Variants in IL32 observed in about 807,000 individuals in gnomAD.
IL32 encodes interleukin-32.
A neutral mutation model predicts 16.6 loss-of-function variants in IL32; 30 were observed. That is an observed-to-expected ratio of 1.81 (90% CI 1.35 to 2.45). The LOEUF is 2.45. IL32 is among the 30% of genes most tolerant of loss of function. IL32 has a pLI of 0.00. For synonymous variants in IL32, 70 were observed against 86.1 expected, an observed-to-expected ratio of 0.81 and a Z score of 1.03; for missense variants, 234 against 229.8, an observed-to-expected ratio of 1.02 and a Z score of -0.12.
Position 3,067,387 on chromosome 16 carries a change from A to T in IL32, c.26A>T (p.Asp9Val). The change falls in exon 3 of 7, where the codon GAT becomes GTT. Residue 9 changes from aspartate to valine, a missense_variant. Physicochemically the swap from Asp to Val is radical, Grantham distance 152. Transcript: ENST00000525643. ...CCGTTATTTCCGCAGGTCCTCTCTGATGACATGAAGAAGCTGAAGGCCCGA... is the reference window on the plus strand; with the variant it reads ...CCGTTATTTCCGCAGGTCCTCTCTGTTGACATGAAGAAGCTGAAGGCCCGA... MCFPKVLS[D>V]DMKKLKARMH... The T allele has an allele frequency of 6.4e-7, 1 of 1,553,020 alleles. No homozygotes were observed. The highest frequency in any genetic ancestry group is 1.2e-5 in the South Asian group (1 of 81,784).
rs60859102 is a variant in IL32 at position 3,067,271 on chromosome 16, CTGTGTGTGTGTGTG to C, written c.16-80_16-67del. 2.1e-3 allele frequency: 1,272 copies of C among 603,666 alleles called. 7 individuals are homozygous for C. The East Asian group carries it at 0.021, about 10-fold the overall frequency. The allele number at this position is 603,666 out of a possible 1,614,324, so 37.4% of individuals were successfully genotyped here. ...TATCCTGTACCTCTGCCATGTGTCT[CTGTGTGTGTGTGTG>C]TGTGTGTGTGTGTGTGTGTGTGTGT... On this transcript the variant is annotated intron_variant, in intron 2 of 6. Transcript: ENST00000525643.
intron 2 of IL32, among the ~76,000 whole-genome samples, chr16:3,066,243 C>A (rs186740434): frequency 1.3e-5 from 2 of 152,128 alleles, no homozygotes; most frequent in African/African-American, 4.8e-5. Context: ...ACCACTGCCC[C>A]ACCGCAAATG....
chr16:3,068,796 C>G, intron 6 of IL32, 194 bp from the exon 7 acceptor site: 1 of 864,226 alleles, frequency 1.2e-6, no homozygotes, highest in Non-Finnish European at 1.8e-6. Flanking sequence ...CATCCTGTCA[C>G]TGCCATGGAG....
intron 6 of IL32, chr16:3,068,646 T>C (rs1362478949): frequency 3.1e-5 from 13 of 422,586 alleles, no homozygotes; most frequent in Middle Eastern, 1.4e-3. Flanking sequence ...GTGGGCAGGG[T>C]GTGCCCAGCC....
intron 2 of IL32, 61 bp downstream of exon 2, chr16:3,065,887 G>C: frequency 6.3e-7 from 1 of 1,598,668 alleles, no homozygotes; most frequent in South Asian, 1.1e-5. Context: ...TAAGGGTGCG[G>C]GTGCCCTCAG....
intron 6 of IL32, 157 bp downstream of exon 6, chr16:3,068,396 C>G (rs777324061): frequency 4.4e-6 from 3 of 685,482 alleles, no homozygotes; most frequent in Non-Finnish European, 7.5e-6. Context: ...ACCTCCAAAT[C>G]TCGGGTTTAA....
rs560879930 is a variant in IL32, at chr16:3,068,087, G to A, written c.141+77G>A. 3.2e-5 allele frequency: 52 copies of A among 1,604,790 alleles called. 1 individual carries two copies. In the South Asian group the frequency reaches 5.5e-4, roughly 17 times the overall value. ...CACAGGACACTGGGTCTGGGCCCCG[G>A]GTCCCCTTGGGAATCACCTGGACCA... is the stretch of plus-strand genomic sequence containing the variant. On this transcript the variant is annotated intron_variant, in intron 5 of 6. Coordinates refer to ENST00000525643, the MANE Select transcript of IL32 (RefSeq NM_001376923.1).
At position 3,069,360 on chromosome 16, in the gene IL32, A is replaced by C. The variant is rs762425007; in HGVS notation, c.*5A>C. 2.5e-6 allele frequency: 4 copies of C among 1,577,658 alleles called. No individual in the cohort carries two copies. The highest frequency in any genetic ancestry group is 3.4e-6 in the Non-Finnish European group (4 of 1,161,632). ...GAACCCCAATCCTCAAAATGAAGATACTGACACCACCTTTGCCCTCCCCGT... is the reference window on the plus strand; with the variant it reads ...GAACCCCAATCCTCAAAATGAAGATCCTGACACCACCTTTGCCCTCCCCGT... On this transcript the variant is annotated 3_prime_UTR_variant, in exon 7 of 7. Coordinates refer to ENST00000525643, the MANE Select transcript of IL32 (RefSeq NM_001376923.1).
intron 6 of IL32, 197 bp from the exon 7 acceptor site, chr16:3,068,793 T>A: frequency 1.2e-6 from 1 of 835,976 alleles, no homozygotes. Context: ...ACCCATCCTG[T>A]CACTGCCATG....
chr16:3,067,934 G>A, intron 4 of IL32, 50 bp from the exon 5 acceptor site: 1 of 1,605,268 alleles, frequency 6.2e-7, no homozygotes, highest in Non-Finnish European at 8.5e-7. Flanking sequence ...TGACTGATGT[G>A]GGGTGCAGAG....
intron 5 of IL32, 65 bp from the exon 6 acceptor site, chr16:3,068,115 G>A (rs1286205656): frequency 1.1e-5 from 17 of 1,602,068 alleles, no homozygotes; most frequent in African/African-American, 1.3e-5. Flanking sequence ...CTGGACCAGT[G>A]GGGGCCACAG....
At chr16:3,066,139 G>A (rs1307762024) in intron 2 of IL32, among the ~76,000 whole-genome samples, 1 of 152,206 alleles carries the variant, frequency 6.6e-6, no homozygotes. Flanking sequence ...TTCTCTCAGA[G>A]GCCGGCTCAG....
In IL32 at chr16:3,067,621, G is replaced by A; in HGVS notation, c.114+8G>A. 6.3e-7 allele frequency: 1 copy of A among 1,598,222 alleles called. No individual in the cohort carries two copies. The highest frequency in any genetic ancestry group is 8.6e-7 in the Non-Finnish European group (1 of 1,167,818). On this transcript the variant is annotated splice_region_variant and intron_variant, in intron 4 of 6. Coordinates refer to ENST00000525643, the MANE Select transcript of IL32 (RefSeq NM_001376923.1). ...GAATCAGGACGTGGACAGGTGGGTG[G>A]ATTTCCCCTCAGGCACCAGGTCACA...
chr16:3,069,249 C>T lies in IL32; in HGVS notation c.461C>T (p.Ser154Phe), dbSNP rs773536097. ...AAACAGTTCCAGAGTTTCTGCTGCT[C>T]TCTGTCAGAGCTCTTCATGTCCTCT... is the stretch of plus-strand genomic sequence containing the variant. ...LWKQFQSFCC[S>F]LSELFMSSFQ... Residue 154 changes from serine to phenylalanine, a missense_variant, in exon 7 of 7, where the codon TCT (serine) becomes TTT (phenylalanine). Coordinates refer to ENST00000525643, the MANE Select transcript of IL32 (RefSeq NM_001376923.1). 13 of 1,614,130 alleles carry T rather than the reference C, an allele frequency of 8.1e-6. No homozygotes were observed. The highest frequency in any genetic ancestry group is 1.3e-5 in the African/African-American group (1 of 74,930).
chr16:3,065,683 C>A lies in IL32; in HGVS notation c.-33C>A. On this transcript the variant is annotated 5_prime_UTR_variant, in exon 1 of 7. Transcript: ENST00000525643. ...GACTGTCTCAGTGGAGCTGGGTCAT[C>A]TCAGGTGGGGAGTTGGGGTCCCCGA... 1 of 936,452 alleles carries A rather than the reference C, an allele frequency of 1.1e-6. No homozygotes were observed. The allele number at this position is 936,452 out of a possible 1,614,324, so 58.0% of individuals were successfully genotyped here. A position where few individuals can be genotyped will look rare whatever the true frequency, so the allele number is the denominator to read the frequency against.
At chr16:3,067,661 G>C in intron 4 of IL32, 48 bp downstream of exon 4, 1 of 1,374,758 alleles carries the variant, frequency 7.3e-7, no homozygotes, top group Non-Finnish European at 1.0e-6. Context: ...CCCGCCCCCA[G>C]GCACTCCACC....
chr16:3,068,069 C>T, intron 5 of IL32, 59 bp downstream of exon 5: 2 of 1,609,480 alleles, frequency 1.2e-6, no homozygotes, highest in Non-Finnish European at 1.7e-6. Context: ...CTCCACAGGA[C>T]ACTGGGTCTG....
rs1567143734 is a variant in IL32, at chr16:3,067,564, TAGAA to T, written c.69_72del (p.Glu23AspfsTer16). 2.5e-6 allele frequency: 4 copies of T among 1,613,824 alleles called. No individual in the cohort carries two copies. The South Asian group carries it at 3.3e-5, about 13-fold the overall frequency. Reference sequence around the variant, plus strand: ...TGCCTCTCTTCACAGCACCAGGCCATAGAAAGATTTTATGATAAAATGCAAAATG... The same window carrying T: ...TGCCTCTCTTCACAGCACCAGGCCATAGATTTTATGATAAAATGCAAAATG... On this transcript the variant is annotated frameshift_variant, in exon 4 of 7. Coordinates refer to ENST00000525643, the MANE Select transcript of IL32 (RefSeq NM_001376923.1). LOFTEE classifies it high-confidence loss of function.
chr16:3,065,529 C>G, upstream of IL32: 1 of 571,858 alleles, frequency 1.7e-6, no homozygotes, highest in African/African-American at 1.9e-5. Context: ...CTGTCTCTGT[C>G]TCTGTCTCTG....
Sources: allele counts gnomAD v4.1 joint callset (sites outside exome capture counted in the v4.1 genomes callset), GRCh38; gene constraint gnomAD v4.1.1; transcripts MANE v1.5; gene names NCBI Gene and HGNC (gene_info 2026-07-23, HGNC 2026-07-21).